ARSB: variants seen among roughly 807,000 people sequenced by gnomAD.
The protein encoded by ARSB is N-acetylgalactosamine-4-sulfatase.
In ARSB, 41 loss-of-function variants were observed where a neutral mutation model predicts 50.9. The observed-to-expected ratio is 0.81, with a 90% CI of 0.63 to 1.04. The LOEUF is 1.04. Among genes scored for constraint, ARSB ranks in the 50% least tolerant of loss-of-function variants. The pLI is 0.00. For missense variants in ARSB, 672 were observed against 693.3 expected (o/e 0.97, Z 0.35); for synonymous variants, 269 against 284.8 (o/e 0.94, Z 0.56).
rs1561419788 is a variant in ARSB, at chr5:78,777,873, T to TAAAA, written c.*2523_*2524insTTTT. The TAAAA allele has an allele frequency of 2.2e-5, 3 of 135,790 alleles. No individual in the cohort carries two copies. Among genetic ancestry groups the TAAAA allele is most frequent in the African/African-American group, 5.8e-5 (2 of 34,668 alleles). The allele number at this position is 135,790 out of a possible 1,614,324, so 8.4% of individuals were successfully genotyped here. ...TCTCAAAAAAAAAAAAAAAAAAAAT[T>TAAAA]GGAAAGAAATAACATTATTTCTAAC... On this transcript the variant is annotated 3_prime_UTR_variant, in exon 8 of 8. Transcript: ENST00000264914.
At chr5:78,959,686 C>T (rs1751898402) in intron 3 of ARSB, among the ~76,000 whole-genome samples, 2 of 152,136 alleles carry the variant, frequency 1.3e-5, no homozygotes, top group East Asian at 1.9e-4. Flanking sequence ...TCCCATACTA[C>T]AAAAAATAAA....
chr5:78,928,430 C>T (rs1230474969), intron 4 of ARSB, among the ~76,000 whole-genome samples: 4 of 150,200 alleles, frequency 2.7e-5, no homozygotes, highest in Non-Finnish European at 5.9e-5. Flanking sequence ...ATTCTCCTGC[C>T]TCAGCCTCTG....
intron 1 of ARSB, among the ~76,000 whole-genome samples, chr5:78,970,416 T>G (rs1752401780): frequency 6.6e-6 from 1 of 152,174 alleles, no homozygotes; most frequent in Non-Finnish European, 1.5e-5. Flanking sequence ...TTATTACTAT[T>G]TTTCATTGAA....
intron 6 of ARSB, among the ~76,000 whole-genome samples, chr5:78,803,588 T>C (rs376809547): frequency 2.6e-4 from 40 of 152,168 alleles, no homozygotes; most frequent in African/African-American, 8.0e-4. Flanking sequence ...CAAGCTTCCA[T>C]GAGTGAGGTC....
rs1038025057 is a variant in ARSB at position 78,778,593 on chromosome 5, C to T, written c.*1804G>A. On this transcript the variant is annotated 3_prime_UTR_variant, in exon 8 of 8. Coordinates refer to ENST00000264914, the MANE Select transcript of ARSB (RefSeq NM_000046.5). ...CAGTGATGTAGATTATGCTCCTACC[C>T]CAGGAGGGGCAGCTTGAGAACAGAA... The T allele has an allele frequency of 5.3e-5, 8 of 152,244 alleles. No individual in the cohort carries two copies. Among genetic ancestry groups the T allele is most frequent in the African/African-American group, 1.9e-4 (8 of 41,440 alleles). The allele number at this position is 152,244 out of a possible 1,614,324, so 9.4% of individuals were successfully genotyped here. A position where few individuals can be genotyped will look rare whatever the true frequency, so the allele number is the denominator to read the frequency against.
chr5:78,911,430 C>G (rs1190066704), intron 4 of ARSB, among the ~76,000 whole-genome samples: 1 of 151,464 alleles, frequency 6.6e-6, no homozygotes, highest in Non-Finnish European at 1.5e-5. Context: ...AAAAATTAGC[C>G]GGGTGTGGTG....
intron 6 of ARSB, among the ~76,000 whole-genome samples, chr5:78,810,447 T>C (rs1302305760): frequency 6.6e-6 from 1 of 152,188 alleles, no homozygotes; most frequent in Non-Finnish European, 1.5e-5. Flanking sequence ...TGGAAAGAGA[T>C]TGTCTAGAGA....
intron 3 of ARSB, among the ~76,000 whole-genome samples, chr5:78,957,923 A>C (rs1751806453): frequency 6.6e-6 from 1 of 151,726 alleles, no homozygotes; most frequent in Non-Finnish European, 1.5e-5. Flanking sequence ...GATAGGATTA[A>C]AAATCGGAAG....
intron 4 of ARSB, among the ~76,000 whole-genome samples, chr5:78,948,530 A>T (rs964110141): frequency 6.6e-6 from 1 of 152,238 alleles, no homozygotes; most frequent in Non-Finnish European, 1.5e-5. Flanking sequence ...TATTAATCAC[A>T]CACTGCAGAA....
chr5:78,879,639 T>G (rs1015313377), intron 5 of ARSB, among the ~76,000 whole-genome samples: 3 of 152,240 alleles, frequency 2.0e-5, no homozygotes, highest in African/African-American at 7.2e-5. Flanking sequence ...GAAAAAAGTT[T>G]CAGACCTCTG....
intron 6 of ARSB, among the ~76,000 whole-genome samples, chr5:78,788,092 A>G (rs73770058): frequency 1.2e-4 from 19 of 152,364 alleles, no homozygotes; most frequent in African/African-American, 4.6e-4. Flanking sequence ...TATTCCATCT[A>G]TTAGCTTGAT....
At chr5:78,828,379 A>T (rs1472709307) in intron 6 of ARSB, among the ~76,000 whole-genome samples, 1 of 152,002 alleles carries the variant, frequency 6.6e-6, no homozygotes, top group Non-Finnish European at 1.5e-5. Context: ...TAGCTTTCCC[A>T]TCTCTTCTTT....
At chr5:78,885,028 T>C (rs1436971203) in intron 5 of ARSB, 2 of 153,052 alleles carry the variant, frequency 1.3e-5, no homozygotes, top group Non-Finnish European at 2.9e-5. Context: ...ATCTTGCTCA[T>C]CTGTGTGTTC....
chr5:78,808,092 C>CAAAAAAA (rs36099030), intron 6 of ARSB, among the ~76,000 whole-genome samples: 1 of 57,756 alleles, frequency 1.7e-5, no homozygotes, highest in Non-Finnish European at 3.0e-5. Flanking sequence ...GACTCCGTCT[C>CAAAAAAA]AAAAAAAAAA....
intron 4 of ARSB, among the ~76,000 whole-genome samples, chr5:78,910,827 G>A (rs1482814948): frequency 6.6e-6 from 1 of 152,142 alleles, no homozygotes; most frequent in East Asian, 1.9e-4. Flanking sequence ...CAGACTGCTG[G>A]GAACCATCTC....
chr5:78,849,289 G>C (rs943081850), intron 5 of ARSB, among the ~76,000 whole-genome samples: 1 of 152,136 alleles, frequency 6.6e-6, no homozygotes, highest in Non-Finnish European at 1.5e-5. Flanking sequence ...CATATGGCTA[G>C]CCAGTTTTCC....
chr5:78,970,642 G>A (rs10462562), intron 1 of ARSB, among the ~76,000 whole-genome samples: 36,354 of 152,000 alleles, frequency 0.24, 4,528 homozygotes, highest in Middle Eastern at 0.34. Flanking sequence ...GGTGGCACTT[G>A]TGATAGAGTG....
At chr5:78,815,293 A>G (rs932194134) in intron 6 of ARSB, among the ~76,000 whole-genome samples, 7 of 150,756 alleles carry the variant, frequency 4.6e-5, no homozygotes, top group African/African-American at 1.7e-4. Flanking sequence ...ACCTTCCCCA[A>G]GAATCCTTTC....
At chr5:78,837,675 A>T (rs560014852) in intron 6 of ARSB, among the ~76,000 whole-genome samples, 1 of 152,350 alleles carries the variant, frequency 6.6e-6, no homozygotes, top group African/African-American at 2.4e-5. Flanking sequence ...TCAACAAATA[A>T]TAAATCTATA....
Sources: allele counts gnomAD v4.1 joint callset (sites outside exome capture counted in the v4.1 genomes callset), GRCh38; gene constraint gnomAD v4.1.1; transcripts MANE v1.5; gene names NCBI Gene and HGNC (gene_info 2026-07-23, HGNC 2026-07-21).